Variants in SMARCA2 observed in about 807,000 individuals in gnomAD.
The protein encoded by SMARCA2 is SWI/SNF related BAF chromatin remodeling complex subunit ATPase 2, also known as SWI/SNF-related matrix-associated actin-dependent regulator of chromatin subfamily A member 2.
SMARCA2 carries 61 observed loss-of-function variants against 199.8 expected under a neutral mutation model. The ratio of observed to expected loss-of-function variants is 0.31; its 90% CI spans 0.25 to 0.38. The LOEUF (loss-of-function observed/expected upper bound fraction) is 0.38. SMARCA2 is among the 10% of genes least tolerant of loss of function. The pLI is 1.00. For missense variants in SMARCA2, 1,344 were observed against 2,012.2 expected, an observed-to-expected ratio of 0.67 and a Z score of 6.35; for synonymous variants, 935 against 732.0, an observed-to-expected ratio of 1.28 and a Z score of -4.48.
intron 27 of SMARCA2, among the ~76,000 whole-genome samples, chr9:2,153,051 AAAAC>A (rs1179950232): frequency 6.6e-6 from 1 of 151,970 alleles, no homozygotes; most frequent in African/African-American, 2.4e-5. Flanking sequence ...GATAATGGCA[AAAAC>A]AAACAAACAA....
In SMARCA2 at chr9:2,185,003, T is replaced by G. The variant is rs557235448; in HGVS notation, c.4462-1093T>G. 6.6e-4 allele frequency among the ~76,000 whole-genome samples: 100 copies of G among 152,354 alleles called. 1 individual carries two copies. Among genetic ancestry groups the G allele is most frequent in the African/African-American group, 2.3e-3 (95 of 41,584 alleles). On this transcript the variant is annotated intron_variant, in intron 31 of 33. Coordinates refer to ENST00000349721, the MANE Select transcript of SMARCA2 (RefSeq NM_003070.5). ...GAATATGTTCCTAAAGAGCAGGGGTTGTTTTATTTTCCTTTAAATTTTTAA... is the reference window on the plus strand; with the variant it reads ...GAATATGTTCCTAAAGAGCAGGGGTGGTTTTATTTTCCTTTAAATTTTTAA...
At chr9:2,192,563 C>T in intron 33 of SMARCA2, 141 bp from the exon 34 acceptor site, 1 of 721,664 alleles carries the variant, frequency 1.4e-6, no homozygotes, top group Non-Finnish European at 2.5e-6. Context: ...TAATGTGTTT[C>T]TGTCCTCCCA....
chr9:2,098,779 A>G (rs1475782415), intron 21 of SMARCA2, among the ~76,000 whole-genome samples: 1 of 151,918 alleles, frequency 6.6e-6, no homozygotes, highest in Non-Finnish European at 1.5e-5. Context: ...AAAACTACAA[A>G]ATTACAAAAC....
At chr9:2,127,342 G>T (rs1422444468) in intron 27 of SMARCA2, among the ~76,000 whole-genome samples, 3 of 152,108 alleles carry the variant, frequency 2.0e-5, no homozygotes, top group African/African-American at 4.8e-5. Flanking sequence ...ACAGATAAGG[G>T]TATAGATAGA....
rs1305948241 is a variant in SMARCA2 at position 2,016,372 on chromosome 9, A to C, written c.-37+968A>C. Reference sequence around the variant, plus strand: ...CTGGAGGGAAGGGAGGAGGCCCCCAAGGAGGTCGGAGGTGCCCGCCAGCCT... The same window carrying C: ...CTGGAGGGAAGGGAGGAGGCCCCCACGGAGGTCGGAGGTGCCCGCCAGCCT... On this transcript the variant is annotated intron_variant, in intron 1 of 33. Coordinates refer to ENST00000349721, the MANE Select transcript of SMARCA2 (RefSeq NM_003070.5). This position sits in a 1 kb window ranked among gnomAD's most constrained non-coding sequence, Gnocchi z 5.6. 9 of 152,218 alleles carry C rather than the reference A, an allele frequency of 5.9e-5. No homozygotes were observed. Among genetic ancestry groups the C allele is most frequent in the Non-Finnish European group, 1.2e-4 (8 of 68,102 alleles). The allele number at this position is 152,218 out of a possible 1,614,324, so 9.4% of individuals were successfully genotyped here. A position where few individuals can be genotyped will look rare whatever the true frequency, so the allele number is the denominator to read the frequency against.
intron 27 of SMARCA2, among the ~76,000 whole-genome samples, chr9:2,142,075 T>C (rs1239266639): frequency 6.6e-6 from 1 of 152,158 alleles, no homozygotes; most frequent in African/African-American, 2.4e-5. Flanking sequence ...CAGGTTAGTT[T>C]CCCTCTCCTT....
In SMARCA2 at chr9:2,192,759, T is replaced by A. The variant is rs1827977961; in HGVS notation, c.*20T>A. On this transcript the variant is annotated 3_prime_UTR_variant, in exon 34 of 34. Coordinates refer to ENST00000349721, the MANE Select transcript of SMARCA2 (RefSeq NM_003070.5). Reference sequence around the variant, plus strand: ...GAGTGATCAGTATGGACCTTTTTCCTTGGTAGAACTGAATTCCTTCCTCCC... The same window carrying A: ...GAGTGATCAGTATGGACCTTTTTCCATGGTAGAACTGAATTCCTTCCTCCC... 1.9e-6 allele frequency: 3 copies of A among 1,583,958 alleles called. No individual in the cohort carries two copies. The highest frequency in any genetic ancestry group is 2.7e-5 in the African/African-American group (2 of 74,274).
intron 1 of SMARCA2, among the ~76,000 whole-genome samples, chr9:2,024,107 T>G (rs185266190): frequency 1.1e-3 from 173 of 152,326 alleles, no homozygotes; most frequent in Middle Eastern, 6.8e-3. Context: ...CTTATGAAGT[T>G]TGGTGAAGAG....
chr9:2,160,135 CTTAGCTGCAGTGTGT>C, intron 27 of SMARCA2: 1 of 556,058 alleles, frequency 1.8e-6, no homozygotes, highest in Non-Finnish European at 3.1e-6. Flanking sequence ...TTAATCTTCG[CTTAGCTGCAGTGTGT>C]TTAGCTGTAT....
At chr9:2,031,769 T>G (rs994262736) in intron 2 of SMARCA2, among the ~76,000 whole-genome samples, 8 of 152,194 alleles carry the variant, frequency 5.3e-5, no homozygotes, top group African/African-American at 1.9e-4. Flanking sequence ...AGGACACGGG[T>G]GAGGGTTTAG....
intron 27 of SMARCA2, chr9:2,158,708 C>T (rs1323159757): frequency 7.5e-6 from 3 of 399,220 alleles, no homozygotes; most frequent in African/African-American, 4.1e-5. Flanking sequence ...TCAGTTGAGC[C>T]AGTTTAGTAA....
intron 21 of SMARCA2, among the ~76,000 whole-genome samples, chr9:2,099,545 C>T (rs1032913934): frequency 6.6e-6 from 1 of 152,018 alleles, no homozygotes; most frequent in African/African-American, 2.4e-5. Context: ...ATGAAGGAAG[C>T]GAAGTTGAAG....
chr9:2,158,680 C>T (rs1367864856), intron 27 of SMARCA2: 3 of 356,472 alleles, frequency 8.4e-6, no homozygotes, highest in South Asian at 1.1e-4. Flanking sequence ...CCCCCCAGCC[C>T]CCAGCGCTGA....
At chr9:2,062,824 A>G (rs563084172) in intron 9 of SMARCA2, among the ~76,000 whole-genome samples, 1 of 152,274 alleles carries the variant, frequency 6.6e-6, no homozygotes, top group African/African-American at 2.4e-5. Context: ...GGCTAGACTG[A>G]TATTAATCAG....
Position 2,186,250 on chromosome 9 carries a change from C to T in SMARCA2, c.4594+22C>T, listed in dbSNP as rs780117942. On this transcript the variant is annotated intron_variant, in intron 32 of 33. Transcript: ENST00000349721. Reference sequence around the variant, plus strand: ...GAGGGTAAGCCCAGACATTCGGGTCCTGTACATCTTTGCCCCTCCTCACCT... The same window carrying T: ...GAGGGTAAGCCCAGACATTCGGGTCTTGTACATCTTTGCCCCTCCTCACCT... The T allele has an allele frequency of 3.7e-6, 6 of 1,606,516 alleles. No homozygotes were observed. In the South Asian group the frequency reaches 5.5e-5, roughly 15 times the overall value.
At chr9:2,073,527 A>T in intron 11 of SMARCA2, 39 bp from the exon 12 acceptor site, 1 of 1,570,362 alleles carries the variant, frequency 6.4e-7, no homozygotes. Flanking sequence ...GTAATTTAAA[A>T]AACTAAGCCC....
intron 27 of SMARCA2, among the ~76,000 whole-genome samples, chr9:2,142,582 C>T (rs114731530): frequency 9.2e-5 from 14 of 152,220 alleles, no homozygotes; most frequent in African/African-American, 3.1e-4. Flanking sequence ...AACCAATGGC[C>T]TCCTATAAAT....
Position 2,160,390 on chromosome 9 carries a change from A to T in SMARCA2, c.3982-1296A>T, listed in dbSNP as rs530454764. On this transcript the variant is annotated intron_variant, in intron 27 of 33. Coordinates refer to ENST00000349721, the MANE Select transcript of SMARCA2 (RefSeq NM_003070.5). Reference sequence around the variant, plus strand: ...GCATGTTGCTTCTATGGATTTGCACATTGGAGGATGCGTAGAAAACATATT... The same window carrying T: ...GCATGTTGCTTCTATGGATTTGCACTTTGGAGGATGCGTAGAAAACATATT... 9 of 540,856 alleles carry T rather than the reference A, an allele frequency of 1.7e-5. No individual in the cohort carries two copies. The South Asian group carries it at 2.3e-4, about 14-fold the overall frequency. 33.5% of individuals were successfully genotyped at this position (540,856 alleles called of 1,614,324 possible).
chr9:2,075,705 T>C (rs112820372), intron 12 of SMARCA2, among the ~76,000 whole-genome samples: 5,489 of 152,248 alleles, frequency 0.036, 260 homozygotes, highest in African/African-American at 0.11. Flanking sequence ...TTGTCCAGGC[T>C]GGAGTGCAGT....
Sources: allele counts gnomAD v4.1 joint callset (sites outside exome capture counted in the v4.1 genomes callset), GRCh38; gene constraint gnomAD v4.1.1; non-coding constraint Gnocchi (gnomAD v3.1); transcripts MANE v1.5; gene names NCBI Gene and HGNC (gene_info 2026-07-23, HGNC 2026-07-21).